LMAN2: variants seen among roughly 807,000 people sequenced by gnomAD.
LMAN2 encodes vesicular integral-membrane protein VIP36.
LMAN2 carries 22 observed loss-of-function variants against 39.3 expected under a neutral mutation model. The ratio of observed to expected loss-of-function variants is 0.56; its 90% CI spans 0.40 to 0.80. The LOEUF (loss-of-function observed/expected upper bound fraction) is 0.80, where lower values mean the gene tolerates loss of function less well. LMAN2 is among the 30% of genes least tolerant of loss of function. The pLI is 0.00. For synonymous variants in LMAN2, 207 were observed against 207.8 expected (o/e 1.00, Z 0.03); for missense variants, 494 against 505.4 (o/e 0.98, Z 0.22).
intron 2 of LMAN2, among the ~76,000 whole-genome samples, chr5:177,340,903 C>G (rs189011582): frequency 6.6e-6 from 1 of 151,454 alleles, no homozygotes; most frequent in Non-Finnish European, 1.5e-5. Context: ...TACAGGCGCC[C>G]GCCACCACAC....
rs940050626 is a variant in LMAN2 at position 177,351,265 on chromosome 5, A to C, written c.223T>G (p.Trp75Gly). The stretch of plus-strand genomic sequence containing the variant: ...AGCATAGTGCTGCCCTGGAAGTCCC[A>C]GAGGGGCATAGAGCTGGAACCGACC... ...QGVGSSSMPLWDFQGSTMLTS... is the reference protein window; with the variant it reads ...QGVGSSSMPLGDFQGSTMLTS... Residue 75 changes from tryptophan to glycine, a missense_variant, in exon 2 of 8, where the codon TGG becomes GGG. Physicochemically the swap from Trp to Gly is radical, Grantham distance 184. Transcript: ENST00000303127. 2 of 1,614,080 alleles carry C rather than the reference A, an allele frequency of 1.2e-6. No individual in the cohort carries two copies. Among genetic ancestry groups the C allele is most frequent in the Non-Finnish European group, 1.7e-6 (2 of 1,180,040 alleles).
chr5:177,336,575 C>T (rs1411101909), intron 6 of LMAN2, among the ~76,000 whole-genome samples: 3 of 152,158 alleles, frequency 2.0e-5, no homozygotes, highest in Non-Finnish European at 4.4e-5. Context: ...AATAAAGCCA[C>T]AGGGACTGTT....
chr5:177,332,724 C>CCACCCCAGCCCACTT lies in LMAN2; in HGVS notation c.911-479_911-478insAAGTGGGCTGGGGTG, dbSNP rs1761408645. ...TCTCCCAGGACCTGAGTCCCACACT[C>CCACCCCAGCCCACTT]CACCCCAGCCCACAGCCTCTCTCCT... On this transcript the variant is annotated intron_variant, in intron 7 of 7. Transcript: ENST00000303127. The surrounding 1 kb of genome is among the most constrained non-coding windows in gnomAD (Gnocchi z 6.3). Among the ~76,000 whole-genome samples, 1 of 152,160 alleles carries CCACCCCAGCCCACTT rather than the reference C, an allele frequency of 6.6e-6. No individual in the cohort carries two copies. The highest frequency in any genetic ancestry group is 2.4e-5 in the African/African-American group (1 of 41,450).
intron 2 of LMAN2, among the ~76,000 whole-genome samples, chr5:177,347,691 G>C (rs968619100): frequency 6.6e-6 from 1 of 152,154 alleles, no homozygotes; most frequent in African/African-American, 2.4e-5. Flanking sequence ...ATCTCTGCTT[G>C]CAACGAAACG....
chr5:177,342,169 G>A (rs540637624), intron 2 of LMAN2, among the ~76,000 whole-genome samples: 24 of 152,142 alleles, frequency 1.6e-4, no homozygotes, highest in South Asian at 2.1e-4. Flanking sequence ...TTCCTGCAAC[G>A]GCATGTGAAT....
In LMAN2 at chr5:177,337,882, G is replaced by A; in HGVS notation, c.434-97C>T. On this transcript the variant is annotated intron_variant, in intron 3 of 7. Transcript: ENST00000303127. The surrounding 1 kb of genome is among the most constrained non-coding windows in gnomAD (Gnocchi z 8.2). ...AATGCCAACATGGGTGGGGGCAAGA[G>A]AGCCCAACCCACTGGCCATTCACCG... 2.9e-6 allele frequency: 3 copies of A among 1,020,770 alleles called. No individual in the cohort carries two copies. The South Asian group carries it at 4.1e-5, about 14-fold the overall frequency. 63.2% of individuals were successfully genotyped at this position (1,020,770 alleles called of 1,614,324 possible). A position where few individuals can be genotyped will look rare whatever the true frequency, so the allele number is the denominator to read the frequency against.
chr5:177,333,090 C>T (rs1163290050), intron 7 of LMAN2, among the ~76,000 whole-genome samples: 4 of 152,230 alleles, frequency 2.6e-5, no homozygotes, highest in South Asian at 2.1e-4. Flanking sequence ...TGACCACTCT[C>T]GCCCCAGCCT....
rs749421554 is a variant in LMAN2 at position 177,337,896 on chromosome 5, G to A, written c.434-111C>T. ...TGGGGGCAAGAGAGCCCAACCCACT[G>A]GCCATTCACCGAGAGAGAAGGGATC... On this transcript the variant is annotated intron_variant, in intron 3 of 7. Coordinates refer to ENST00000303127, the MANE Select transcript of LMAN2 (RefSeq NM_006816.3). The surrounding 1 kb of genome is among the most constrained non-coding windows in gnomAD (Gnocchi z 8.2). The A allele has an allele frequency of 1.2e-5, 10 of 849,182 alleles. No individual in the cohort carries two copies. The Admixed American group carries it at 1.7e-4, about 15-fold the overall frequency. The allele number at this position is 849,182 out of a possible 1,614,324, so 52.6% of individuals were successfully genotyped here.
In LMAN2 at chr5:177,332,012, T is replaced by C; in HGVS notation, c.*74A>G. The C allele has an allele frequency of 1.4e-6, 2 of 1,412,128 alleles. No individual in the cohort carries two copies. Among genetic ancestry groups the C allele is most frequent in the Non-Finnish European group, 1.9e-6 (2 of 1,040,148 alleles). 87.5% of individuals were successfully genotyped at this position (1,412,128 alleles called of 1,614,324 possible). ...AAGAAATAAGGTCATCTTGTTGTTC[T>C]TTTATAATCCCGGTAAAAAAAAAAG... On this transcript the variant is annotated 3_prime_UTR_variant, in exon 8 of 8. Coordinates refer to ENST00000303127, the MANE Select transcript of LMAN2 (RefSeq NM_006816.3). This position sits in a 1 kb window ranked among gnomAD's most constrained non-coding sequence, Gnocchi z 6.3.
chr5:177,340,072 GAA>G (rs1342625392), intron 2 of LMAN2, among the ~76,000 whole-genome samples: 1 of 151,918 alleles, frequency 6.6e-6, no homozygotes, highest in African/African-American at 2.4e-5. Context: ...GAAGGCAAAG[GAA>G]TATTTAAAGA....
At chr5:177,343,182 G>A (rs1033829591) in intron 2 of LMAN2, among the ~76,000 whole-genome samples, 1 of 152,156 alleles carries the variant, frequency 6.6e-6, no homozygotes, top group African/African-American at 2.4e-5. Flanking sequence ...TTGAACCCGG[G>A]AGGCAGAGGT....
At chr5:177,344,281 C>CTTTTTTTTTT (rs59101629) in intron 2 of LMAN2, among the ~76,000 whole-genome samples, 4 of 82,286 alleles carry the variant, frequency 4.9e-5, no homozygotes, top group East Asian at 5.4e-4. Context: ...CGCTTTGTTA[C>CTTTTTTTTTT]TTTTTTTTTT....
At position 177,332,402 on chromosome 5, in the gene LMAN2, GC is replaced by G; in HGVS notation, c.911-157del. 1.5e-6 allele frequency: 1 copy of G among 661,484 alleles called. No individual in the cohort carries two copies. Among genetic ancestry groups the G allele is most frequent in the Non-Finnish European group, 2.6e-6 (1 of 389,134 alleles). The allele number at this position is 661,484 out of a possible 1,614,324, so 41.0% of individuals were successfully genotyped here. On this transcript the variant is annotated intron_variant, in intron 7 of 7. Transcript: ENST00000303127. The surrounding 1 kb of genome is among the most constrained non-coding windows in gnomAD (Gnocchi z 6.3). ...CGGGGAGGGGCAGAGGTCAGGTGAAGCCCATCCCAGCCAGCTCTGCAGTCCC... is the reference window on the plus strand; with the variant it reads ...CGGGGAGGGGCAGAGGTCAGGTGAAGCCATCCCAGCCAGCTCTGCAGTCCC...
In LMAN2 at chr5:177,332,932, C is replaced by T. The variant is rs1761412458; in HGVS notation, c.911-686G>A. Among the ~76,000 whole-genome samples the T allele has an allele frequency of 2.0e-5, 3 of 151,674 alleles. No individual in the cohort carries two copies. The highest frequency in any genetic ancestry group is 2.1e-4 in the South Asian group (1 of 4,806). On this transcript the variant is annotated intron_variant, in intron 7 of 7. Transcript: ENST00000303127. This position sits in a 1 kb window ranked among gnomAD's most constrained non-coding sequence, Gnocchi z 6.3. ...CCCTCCCTGACTGCGGCCCCCCCGACTCCACACTGTACAGTCTCCTCAGGC... is the reference window on the plus strand; with the variant it reads ...CCCTCCCTGACTGCGGCCCCCCCGATTCCACACTGTACAGTCTCCTCAGGC...
At position 177,334,362 on chromosome 5, in the gene LMAN2, C is replaced by G; in HGVS notation, c.832G>C (p.Val278Leu). The change falls in exon 7 of 8, where the codon GTG (valine) becomes CTG (leucine). Residue 278 changes from valine to leucine, a missense_variant. Val to Leu is a conservative substitution (Grantham distance 32). Coordinates refer to ENST00000303127, the MANE Select transcript of LMAN2 (RefSeq NM_006816.3). ...CTCTCCTCGTCGGGCGTGTGCTCCA[C>G]CATCAGCTGGAACAGCTTCATGGAG... ...IISMKLFQLM[V>L]EHTPDEESID... is the part of the protein sequence containing the mutation. 1 of 1,613,746 alleles carries G rather than the reference C, an allele frequency of 6.2e-7. No homozygotes were observed. The highest frequency in any genetic ancestry group is 8.5e-7 in the Non-Finnish European group (1 of 1,180,006).
Position 177,332,403 on chromosome 5 carries a change from C to G in LMAN2, c.911-157G>C, listed in dbSNP as rs1761403019. 2.1e-5 allele frequency: 14 copies of G among 660,382 alleles called. No homozygotes were observed. In the East Asian group the frequency reaches 3.6e-4, roughly 17 times the overall value. 40.9% of individuals were successfully genotyped at this position (660,382 alleles called of 1,614,324 possible). A position where few individuals can be genotyped will look rare whatever the true frequency, so the allele number is the denominator to read the frequency against. The stretch of plus-strand genomic sequence containing the variant: ...GGGGAGGGGCAGAGGTCAGGTGAAG[C>G]CCATCCCAGCCAGCTCTGCAGTCCC... On this transcript the variant is annotated intron_variant, in intron 7 of 7. Coordinates refer to ENST00000303127, the MANE Select transcript of LMAN2 (RefSeq NM_006816.3). The surrounding 1 kb of genome is among the most constrained non-coding windows in gnomAD (Gnocchi z 6.3).
At chr5:177,334,195 G>T in intron 7 of LMAN2, 89 bp downstream of exon 7, 1 of 1,501,176 alleles carries the variant, frequency 6.7e-7, no homozygotes, top group South Asian at 1.3e-5. Context: ...CCACAACCAC[G>T]ACTGGACCAC....
Position 177,332,382 on chromosome 5 carries a change from A to G in LMAN2, c.911-136T>C. On this transcript the variant is annotated intron_variant, in intron 7 of 7. Transcript: ENST00000303127. The surrounding 1 kb of genome is among the most constrained non-coding windows in gnomAD (Gnocchi z 6.3). Reference sequence around the variant, plus strand: ...GTCGTACTCACCCCCCTCACCGGGGAGGGGCAGAGGTCAGGTGAAGCCCAT... The same window carrying G: ...GTCGTACTCACCCCCCTCACCGGGGGGGGGCAGAGGTCAGGTGAAGCCCAT... 5.2e-6 allele frequency: 4 copies of G among 766,620 alleles called. No homozygotes were observed. The highest frequency in any genetic ancestry group is 5.1e-5 in the South Asian group (3 of 58,394). The allele number at this position is 766,620 out of a possible 1,614,324, so 47.5% of individuals were successfully genotyped here.
At chr5:177,351,108 C>T in intron 2 of LMAN2, 65 bp downstream of exon 2, 1 of 1,438,146 alleles carries the variant, frequency 7.0e-7, no homozygotes, top group Admixed American at 1.7e-5. Flanking sequence ...GGGGTCTCAG[C>T]TGCTCGGGAG....
Sources: allele counts gnomAD v4.1 joint callset (sites outside exome capture counted in the v4.1 genomes callset), GRCh38; gene constraint gnomAD v4.1.1; non-coding constraint Gnocchi (gnomAD v3.1); transcripts MANE v1.5; gene names NCBI Gene and HGNC (gene_info 2026-07-23, HGNC 2026-07-21).